Variants in AKAP19 observed in about 807,000 individuals in gnomAD.
AKAP19 encodes A-kinase anchoring protein 19, also known as small A-kinase anchoring protein.
chr2:190,184,821 ATTTCCTT>A, the AKAP19 span, among the ~76,000 whole-genome samples: 2 of 150,542 alleles, frequency 1.3e-5, no homozygotes, highest in South Asian at 4.2e-4. Context: ...GGGAGAGGAA[ATTTCCTT>A]GTATTAGTGA....
At chr2:189,981,069 T>G in the AKAP19 span, among the ~76,000 whole-genome samples, 1 of 152,190 alleles carries the variant, frequency 6.6e-6, no homozygotes, top group Non-Finnish European at 1.5e-5. Flanking sequence ...AAGTCCAGAG[T>G]TAGTTTTCTG....
the AKAP19 span, among the ~76,000 whole-genome samples, chr2:189,914,800 C>G: frequency 1.3e-5 from 2 of 151,878 alleles, no homozygotes; most frequent in Non-Finnish European, 2.9e-5. Context: ...TATTCCTGCC[C>G]CATTTTATAG....
the AKAP19 span, among the ~76,000 whole-genome samples, chr2:190,100,369 T>C: frequency 6.6e-6 from 1 of 152,202 alleles, no homozygotes; most frequent in South Asian, 2.1e-4. Flanking sequence ...TTTGTTGCTG[T>C]TTTGGTTTGG....
the AKAP19 span, among the ~76,000 whole-genome samples, chr2:189,973,800 G>A: frequency 6.6e-6 from 1 of 152,104 alleles, no homozygotes; most frequent in Admixed American, 6.6e-5. Context: ...TCTGATGGTA[G>A]TTTGTATTTC....
chr2:190,060,238 A>G, the AKAP19 span: 2 of 1,613,110 alleles, frequency 1.2e-6, no homozygotes, highest in Non-Finnish European at 1.7e-6. Context: ...AGTTTCAGAG[A>G]TCGGATTCCA....
chr2:190,122,914 A>G, the AKAP19 span, among the ~76,000 whole-genome samples: 2 of 151,418 alleles, frequency 1.3e-5, no homozygotes, highest in African/African-American at 4.9e-5. Flanking sequence ...GGCTCATGCT[A>G]TCTTCCTACT....
chr2:190,051,247 T>C, the AKAP19 span, among the ~76,000 whole-genome samples: 4 of 152,236 alleles, frequency 2.6e-5, no homozygotes, highest in Non-Finnish European at 4.4e-5. Context: ...CTGTAAGTCA[T>C]ACTCATGGGT....
the AKAP19 span, among the ~76,000 whole-genome samples, chr2:190,040,153 G>T: frequency 6.6e-6 from 1 of 152,124 alleles, no homozygotes; most frequent in Non-Finnish European, 1.5e-5. Context: ...GCGTATAAGT[G>T]TTCCTTTTTC....
At chr2:189,909,605 C>G in the AKAP19 span, among the ~76,000 whole-genome samples, 1 of 152,114 alleles carries the variant, frequency 6.6e-6, no homozygotes, top group South Asian at 2.1e-4. Flanking sequence ...TGATAACTTT[C>G]ATTGCATACA....
chr2:190,187,515 T>G, the AKAP19 span, among the ~76,000 whole-genome samples: 1 of 151,874 alleles, frequency 6.6e-6, no homozygotes, highest in Non-Finnish European at 1.5e-5. Context: ...AATTTACTCC[T>G]TTTGATGACA....
At chr2:190,038,114 C>T in the AKAP19 span, among the ~76,000 whole-genome samples, 1 of 152,184 alleles carries the variant, frequency 6.6e-6, no homozygotes, top group Non-Finnish European at 1.5e-5. Flanking sequence ...GATGCATCTG[C>T]TTTAATTTAG....
the AKAP19 span, among the ~76,000 whole-genome samples, chr2:189,919,538 C>T: frequency 0.014 from 2,160 of 152,038 alleles, 53 homozygotes; most frequent in African/African-American, 0.05. Context: ...AAGTTCCCTC[C>T]CCTTACCCCC....
the AKAP19 span, among the ~76,000 whole-genome samples, chr2:190,124,600 C>T: frequency 3.3e-5 from 5 of 152,158 alleles, no homozygotes; most frequent in Admixed American, 3.3e-4. Context: ...GCCCCAGCTA[C>T]TCAGAAGTCT....
At chr2:190,071,760 T>C in the AKAP19 span, among the ~76,000 whole-genome samples, 6,232 of 152,076 alleles carry the variant, frequency 0.041, 462 homozygotes, top group African/African-American at 0.14. Flanking sequence ...AAGTGAACGA[T>C]GGGTTTATAA....
At chr2:189,930,269 A>G in the AKAP19 span, 11 of 420,438 alleles carry the variant, frequency 2.6e-5, no homozygotes, top group East Asian at 4.8e-4. Flanking sequence ...CCCTGGCTCA[A>G]TAGTCTAGGT....
chr2:190,057,898 T>C, the AKAP19 span, among the ~76,000 whole-genome samples: 1 of 152,016 alleles, frequency 6.6e-6, no homozygotes, highest in East Asian at 1.9e-4. Flanking sequence ...CAAGTTTGAG[T>C]ACCAGATTGC....
At chr2:190,035,540 C>G in the AKAP19 span, among the ~76,000 whole-genome samples, 14 of 152,172 alleles carry the variant, frequency 9.2e-5, no homozygotes, top group Non-Finnish European at 7.3e-5. Context: ...CAGGGCTACC[C>G]CATGGGCTGT....
the AKAP19 span, among the ~76,000 whole-genome samples, chr2:190,163,123 G>T: frequency 6.6e-6 from 1 of 152,138 alleles, no homozygotes; most frequent in Non-Finnish European, 1.5e-5. Flanking sequence ...GGTCATCCAG[G>T]AGATATCAAG....
the AKAP19 span, among the ~76,000 whole-genome samples, chr2:190,176,774 T>C: frequency 6.6e-6 from 1 of 152,254 alleles, no homozygotes; most frequent in Non-Finnish European, 1.5e-5. The surrounding 1 kb of genome is among the most constrained non-coding windows in gnomAD (Gnocchi z 4.7). Context: ...CTTTGTATCC[T>C]AAAGCCTTAA....
Sources: allele counts gnomAD v4.1 joint callset (sites outside exome capture counted in the v4.1 genomes callset), GRCh38; gene constraint gnomAD v4.1.1; non-coding constraint Gnocchi (gnomAD v3.1); transcripts MANE v1.5; gene names NCBI Gene and HGNC (gene_info 2026-07-23, HGNC 2026-07-21).